NKAIN2: variants seen among roughly 807,000 people sequenced by gnomAD.
NKAIN2 encodes sodium/potassium transporting ATPase interacting 2.
In NKAIN2, 14 loss-of-function variants were observed where a neutral mutation model predicts 32.6. The ratio of observed to expected loss-of-function variants is 0.43; its 90% CI spans 0.28 to 0.67. NKAIN2 has a LOEUF of 0.67. Ranked by LOEUF, NKAIN2 falls within the 30% of genes least tolerant of loss-of-function variation. The pLI, the probability that NKAIN2 is intolerant of heterozygous loss-of-function variation, is 0.17. For synonymous variants in NKAIN2, 80 were observed against 87.2 expected, an observed-to-expected ratio of 0.92 and a Z score of 0.46; for missense variants, 198 against 258.3, an observed-to-expected ratio of 0.77 and a Z score of 1.60.
At chr6:124,264,265 C>T (rs534088524) in intron 1 of NKAIN2, among the ~76,000 whole-genome samples, 70 of 152,252 alleles carry the variant, frequency 4.6e-4, no homozygotes, top group Admixed American at 8.5e-4. Flanking sequence ...TCCATAGCTT[C>T]TAGTACGCAG....
At chr6:124,136,151 G>A (rs1786773499) in intron 1 of NKAIN2, among the ~76,000 whole-genome samples, 1 of 152,016 alleles carries the variant, frequency 6.6e-6, no homozygotes, top group Non-Finnish European at 1.5e-5. Context: ...CAAGAAAAGA[G>A]AAGATACAAA....
intron 4 of NKAIN2, among the ~76,000 whole-genome samples, chr6:124,751,173 T>G (rs1374471643): frequency 6.6e-6 from 1 of 152,070 alleles, no homozygotes; most frequent in Non-Finnish European, 1.5e-5. Flanking sequence ...CTAATGACGT[T>G]AGGCTCCTAT....
At chr6:124,403,948 A>G (rs1773737042) in intron 3 of NKAIN2, among the ~76,000 whole-genome samples, 1 of 152,132 alleles carries the variant, frequency 6.6e-6, no homozygotes, top group Admixed American at 6.6e-5. Flanking sequence ...TTATTTCTCA[A>G]GTTATTTTAA....
At chr6:124,410,755 A>G (rs1046618449) in intron 3 of NKAIN2, among the ~76,000 whole-genome samples, 1 of 152,122 alleles carries the variant, frequency 6.6e-6, no homozygotes, top group Non-Finnish European at 1.5e-5. Context: ...TATCCTTGTT[A>G]ACTTTCTGTC....
intron 2 of NKAIN2, among the ~76,000 whole-genome samples, chr6:124,329,140 C>G (rs1036487109): frequency 1.3e-5 from 2 of 152,212 alleles, no homozygotes; most frequent in African/African-American, 2.4e-5. Flanking sequence ...CTCTACCAGT[C>G]TGGCCAGCTT....
intron 1 of NKAIN2, among the ~76,000 whole-genome samples, chr6:124,186,636 A>C (rs1250256936): frequency 6.6e-6 from 1 of 152,208 alleles, no homozygotes; most frequent in East Asian, 1.9e-4. Context: ...GAAATCTATC[A>C]GATACCAATA....
At chr6:124,156,257 A>G (rs1368094935) in intron 1 of NKAIN2, among the ~76,000 whole-genome samples, 1 of 152,122 alleles carries the variant, frequency 6.6e-6, no homozygotes, top group Non-Finnish European at 1.5e-5. Context: ...GTTTCTTTTA[A>G]TTTATGCAGT....
chr6:123,970,781 C>A (rs927844648), intron 1 of NKAIN2, among the ~76,000 whole-genome samples: 1 of 151,956 alleles, frequency 6.6e-6, no homozygotes, highest in Non-Finnish European at 1.5e-5. Flanking sequence ...ACTTAGGAGG[C>A]TGAGGCAGGA....
intron 1 of NKAIN2, among the ~76,000 whole-genome samples, chr6:123,952,225 C>T (rs1037075496): frequency 6.6e-6 from 1 of 152,082 alleles, no homozygotes; most frequent in Non-Finnish European, 1.5e-5. Context: ...TCATCTCATT[C>T]TCTCCTGGCC....
intron 1 of NKAIN2, among the ~76,000 whole-genome samples, chr6:123,914,240 A>G (rs1028825009): frequency 1.3e-5 from 2 of 151,952 alleles, no homozygotes; most frequent in African/African-American, 2.4e-5. Flanking sequence ...AGACAGACAG[A>G]CAGAGAGACA....
At chr6:124,233,995 C>T (rs951268221) in intron 1 of NKAIN2, among the ~76,000 whole-genome samples, 3 of 152,128 alleles carry the variant, frequency 2.0e-5, no homozygotes, top group African/African-American at 7.2e-5. Context: ...ATGCTGTAGG[C>T]TTTGTAGATC....
intron 3 of NKAIN2, among the ~76,000 whole-genome samples, chr6:124,601,143 G>A (rs547083270): frequency 6.6e-5 from 10 of 152,192 alleles, no homozygotes; most frequent in African/African-American, 2.4e-4. Flanking sequence ...GCATAAGGCT[G>A]TGTCAATAGA....
Position 124,647,078 on chromosome 6 carries a change from T to C in NKAIN2, c.274-11108T>C, listed in dbSNP as rs538347734. ...AACCTAAAAAATACCCCTAGTATTT[T>C]ATATTATTAATGGGTATGGATATGT... On this transcript the variant is annotated intron_variant, in intron 3 of 6. Coordinates refer to ENST00000368417, the MANE Select transcript of NKAIN2 (RefSeq NM_001040214.3). Among the ~76,000 whole-genome samples, 93 of 152,182 alleles carry C rather than the reference T, an allele frequency of 6.1e-4. 1 individual carries two copies. Among genetic ancestry groups the C allele is most frequent in the African/African-American group, 1.9e-3 (79 of 41,522 alleles).
chr6:124,430,185 C>T (rs1480964821), intron 3 of NKAIN2, among the ~76,000 whole-genome samples: 1 of 152,024 alleles, frequency 6.6e-6, no homozygotes, highest in African/African-American at 2.4e-5. Context: ...ATTTTTCTGT[C>T]AACTAAAAAA....
chr6:124,597,661 C>T (rs955209349), intron 3 of NKAIN2, among the ~76,000 whole-genome samples: 9 of 152,102 alleles, frequency 5.9e-5, no homozygotes, highest in African/African-American at 2.2e-4. Context: ...TTCTTTAACT[C>T]TCTACCTCTA....
At chr6:124,752,551 G>T (rs1777773178) in intron 4 of NKAIN2, among the ~76,000 whole-genome samples, 1 of 151,994 alleles carries the variant, frequency 6.6e-6, no homozygotes, top group Non-Finnish European at 1.5e-5. Context: ...ATGTGTGTGT[G>T]TGTGTGTGTG....
At chr6:123,848,398 G>A (rs1440880673) in intron 1 of NKAIN2, among the ~76,000 whole-genome samples, 1 of 152,142 alleles carries the variant, frequency 6.6e-6, no homozygotes, top group Non-Finnish European at 1.5e-5. Context: ...TCGTGGGAGG[G>A]ACCCGGTAGG....
chr6:123,891,615 A>G (rs1774022709), intron 1 of NKAIN2, among the ~76,000 whole-genome samples: 1 of 152,152 alleles, frequency 6.6e-6, no homozygotes, highest in Non-Finnish European at 1.5e-5. Context: ...TAGCTGTGTA[A>G]AGTTGTGATA....
chr6:124,226,080 G>A (rs2626103), intron 1 of NKAIN2, among the ~76,000 whole-genome samples: 160 of 152,154 alleles, frequency 1.1e-3, no homozygotes, highest in African/African-American at 3.7e-3. Flanking sequence ...TGTCACAGGA[G>A]AGAATGGACA....
Sources: gnomAD v4.1 joint callset for allele counts (sites outside exome capture counted in the v4.1 genomes callset) on GRCh38, gnomAD v4.1.1 for gene constraint, MANE v1.5 for transcripts, NCBI Gene and HGNC (gene_info 2026-07-23, HGNC 2026-07-21) for gene names.